CNTNAP4: variants seen among roughly 807,000 people sequenced by gnomAD.
The protein encoded by CNTNAP4 is contactin-associated protein-like 4.
Under a neutral mutation model 148.4 loss-of-function variants are expected in CNTNAP4, and 98 were observed. The observed-to-expected ratio is 0.66, with a 90% CI of 0.56 to 0.78. The LOEUF (loss-of-function observed/expected upper bound fraction) is 0.78, where lower values mean the gene tolerates loss of function less well. CNTNAP4 is among the 30% of genes least tolerant of loss of function. CNTNAP4 has a pLI of 0.00. For missense variants in CNTNAP4, 1,935 were observed against 1,565.6 expected, an observed-to-expected ratio of 1.24 and a Z score of -3.98; for synonymous variants, 730 against 565.1, an observed-to-expected ratio of 1.29 and a Z score of -4.14.
chr16:76,466,093 A>T (rs1483261612), intron 9 of CNTNAP4, among the ~76,000 whole-genome samples: 2 of 152,152 alleles, frequency 1.3e-5, no homozygotes, highest in East Asian at 1.9e-4. Flanking sequence ...AAGATTAATT[A>T]AAAAAATAAT....
chr16:76,277,739 G>A lies in CNTNAP4; in HGVS notation c.77G>A (p.Gly26Glu). The change falls in exon 1 of 24, where the codon GGG becomes GAG. Residue 26 changes from glycine (G) to glutamate (E), a missense_variant. Transcript: ENST00000611870. ...STQNWNRVEA[G>E]NSYDCDDPLV... ...CAAAATTGGAACAGAGTCGAAGCTG[G>A]GAATTCCTGTAAGTATACAGCAAAT... The A allele has an allele frequency of 1.9e-6, 3 of 1,589,616 alleles. No individual in the cohort carries two copies. The highest frequency in any genetic ancestry group is 1.1e-5 in the South Asian group (1 of 87,884).
rs538278282 is a variant in CNTNAP4, at chr16:76,335,010, C to A, written c.196+18487C>A. Among the ~76,000 whole-genome samples, 213 of 152,130 alleles carry A rather than the reference C, an allele frequency of 1.4e-3. 1 individual carries two copies. Among genetic ancestry groups the A allele is most frequent in the Middle Eastern group, 6.8e-3 (2 of 294 alleles). On this transcript the variant is annotated intron_variant, in intron 2 of 23. Transcript: ENST00000611870. ...TTGTAGATTGGAAAATGCTGTGGAT[C>A]AGAATGAGGCAAGCACTCGATAGAC...
chr16:76,361,477 G>A (rs963292171), intron 3 of CNTNAP4, among the ~76,000 whole-genome samples: 5 of 152,132 alleles, frequency 3.3e-5, no homozygotes, highest in Non-Finnish European at 7.4e-5. Flanking sequence ...AGAATTTTGA[G>A]GCAGAATGTG....
At chr16:76,391,736 C>G (rs1178536508) in intron 3 of CNTNAP4, among the ~76,000 whole-genome samples, 1 of 152,160 alleles carries the variant, frequency 6.6e-6, no homozygotes, top group Non-Finnish European at 1.5e-5. Context: ...TAACACAATT[C>G]TATAGCTTTG....
intron 1 of CNTNAP4, 106 bp downstream of exon 1, chr16:76,277,853 T>C: frequency 1.3e-6 from 1 of 751,208 alleles, no homozygotes; most frequent in Non-Finnish European, 2.3e-6. Flanking sequence ...CTGCAAAGCG[T>C]ATTGCTGTAA....
At chr16:76,385,996 C>G (rs772425821) in intron 3 of CNTNAP4, among the ~76,000 whole-genome samples, 3 of 152,098 alleles carry the variant, frequency 2.0e-5, no homozygotes, top group Non-Finnish European at 4.4e-5. Context: ...AAAAAAAACA[C>G]TTGTTTACAG....
intron 3 of CNTNAP4, among the ~76,000 whole-genome samples, chr16:76,359,521 T>C (rs1268999402): frequency 2.6e-5 from 4 of 151,306 alleles, no homozygotes; most frequent in Non-Finnish European, 5.9e-5. Flanking sequence ...CTGCCACTTC[T>C]TACAAATAAT....
At chr16:76,366,738 C>T (rs553752149) in intron 3 of CNTNAP4, among the ~76,000 whole-genome samples, 28 of 151,760 alleles carry the variant, frequency 1.8e-4, no homozygotes, top group African/African-American at 6.3e-4. Flanking sequence ...TTTAGACTCC[C>T]ACCAACAGTG....
chr16:76,503,545 A>ATTT, intron 15 of CNTNAP4, among the ~76,000 whole-genome samples: 1 of 152,324 alleles, frequency 6.6e-6, no homozygotes, highest in East Asian at 1.9e-4. Context: ...TTTTATTATT[A>ATTT]TACTTTAAGT....
intron 17 of CNTNAP4, among the ~76,000 whole-genome samples, chr16:76,525,287 A>G (rs9929145): frequency 0.08 from 12,133 of 151,842 alleles, 697 homozygotes; most frequent in African/African-American, 0.16. Flanking sequence ...GTGAAAAACT[A>G]ATTTAAAAAA....
intron 1 of CNTNAP4, among the ~76,000 whole-genome samples, chr16:76,298,062 G>A (rs1273758197): frequency 6.6e-6 from 1 of 152,036 alleles, no homozygotes; most frequent in African/African-American, 2.4e-5. Context: ...CCTCTTTAGT[G>A]TCCCTACATC....
At chr16:76,322,697 C>T (rs1264681420) in intron 2 of CNTNAP4, among the ~76,000 whole-genome samples, 1 of 152,158 alleles carries the variant, frequency 6.6e-6, no homozygotes, top group Non-Finnish European at 1.5e-5. Context: ...TAACCAGTTT[C>T]AAAGTGTGTC....
chr16:76,388,930 A>T (rs938372457), intron 3 of CNTNAP4, among the ~76,000 whole-genome samples: 6 of 152,216 alleles, frequency 3.9e-5, no homozygotes, highest in Non-Finnish European at 7.3e-5. Context: ...AAGGAGTTCT[A>T]TGTCCTTATA....
intron 3 of CNTNAP4, among the ~76,000 whole-genome samples, chr16:76,388,238 C>A (rs868116713): frequency 2.6e-5 from 4 of 152,198 alleles, no homozygotes; most frequent in Admixed American, 2.6e-4. Flanking sequence ...TTCATTTCAT[C>A]CATCCTCAGA....
rs1958860679 is a variant in CNTNAP4 at position 76,285,889 on chromosome 16, G to C, written c.85+8142G>C. Among the ~76,000 whole-genome samples, 14 of 151,784 alleles carry C rather than the reference G, an allele frequency of 9.2e-5. No individual in the cohort carries two copies. The South Asian group carries it at 2.9e-3, about 32-fold the overall frequency. Reference sequence around the variant, plus strand: ...CATTTGATTCCCTTGGCCCACCACAGAGACCCCCACATTTTCCCATCAATA... The same window carrying C: ...CATTTGATTCCCTTGGCCCACCACACAGACCCCCACATTTTCCCATCAATA... On this transcript the variant is annotated intron_variant, in intron 1 of 23. Coordinates refer to ENST00000611870, the MANE Select transcript of CNTNAP4 (RefSeq NM_033401.5).
At chr16:76,499,368 C>G (rs149677563) in intron 15 of CNTNAP4, among the ~76,000 whole-genome samples, 12 of 151,792 alleles carry the variant, frequency 7.9e-5, no homozygotes, top group African/African-American at 2.7e-4. Flanking sequence ...GCCACTATAC[C>G]CCTGTTTGAG....
At chr16:76,328,585 A>G (rs948638130) in intron 2 of CNTNAP4, among the ~76,000 whole-genome samples, 2 of 152,196 alleles carry the variant, frequency 1.3e-5, no homozygotes, top group African/African-American at 4.8e-5. Context: ...GACCTTAGTT[A>G]ATAATAATAA....
chr16:76,305,985 T>C (rs752486331), intron 1 of CNTNAP4, among the ~76,000 whole-genome samples: 1 of 152,238 alleles, frequency 6.6e-6, no homozygotes, highest in African/African-American at 2.4e-5. Context: ...GTGAAGGAGA[T>C]GATTTTATTC....
intron 2 of CNTNAP4, among the ~76,000 whole-genome samples, chr16:76,341,548 G>A (rs988612060): frequency 2.3e-4 from 35 of 152,230 alleles, no homozygotes; most frequent in African/African-American, 7.7e-4. Context: ...TTTTCAGTCC[G>A]AATGAATGGA....
Sources: gnomAD v4.1 joint callset for allele counts (sites outside exome capture counted in the v4.1 genomes callset) on GRCh38, gnomAD v4.1.1 for gene constraint, MANE v1.5 for transcripts, NCBI Gene and HGNC (gene_info 2026-07-23, HGNC 2026-07-21) for gene names.